Variants in MAGI2 observed in about 807,000 individuals in gnomAD.
The protein encoded by MAGI2 is membrane associated guanylate kinase, WW and PDZ domain containing 2.
A neutral mutation model predicts 133.3 loss-of-function variants in MAGI2; 35 were observed. That is an observed-to-expected ratio of 0.26 (90% CI 0.20 to 0.35). MAGI2 has a LOEUF of 0.35. MAGI2 is among the 10% of genes least tolerant of loss of function. The pLI is 1.00. For missense variants in MAGI2, 1,636 were observed against 1,863.4 expected (o/e 0.88, Z 2.25); for synonymous variants, 729 against 710.6 (o/e 1.03, Z -0.41).
At chr7:79,305,972 A>G (rs1222556352) in intron 1 of MAGI2, among the ~76,000 whole-genome samples, 2 of 150,662 alleles carry the variant, frequency 1.3e-5, no homozygotes, top group African/African-American at 4.9e-5. Context: ...AAATTGAACT[A>G]CATATTCCTG....
At chr7:78,878,165 A>C (rs1407836460) in intron 2 of MAGI2, among the ~76,000 whole-genome samples, 1 of 152,182 alleles carries the variant, frequency 6.6e-6, no homozygotes, top group African/African-American at 2.4e-5. Flanking sequence ...TAAGTAATCA[A>C]TATATGTTTA....
intron 2 of MAGI2, among the ~76,000 whole-genome samples, chr7:78,734,491 T>C (rs755736131): frequency 9.2e-5 from 14 of 152,202 alleles, no homozygotes; most frequent in Non-Finnish European, 1.6e-4. Flanking sequence ...ATTGCATTTA[T>C]GGCCTCAATA....
intron 2 of MAGI2, among the ~76,000 whole-genome samples, chr7:78,928,068 C>T (rs1049291900): frequency 6.6e-6 from 1 of 151,934 alleles, no homozygotes; most frequent in African/African-American, 2.4e-5. Context: ...TTCCCCTTTT[C>T]CTTCCCCTGT....
Position 78,947,410 on chromosome 7 carries a change from T to A in MAGI2, c.418+59680A>T, listed in dbSNP as rs901358113. 9.9e-5 allele frequency among the ~76,000 whole-genome samples: 15 copies of A among 152,110 alleles called. 1 individual carries two copies. The highest frequency in any genetic ancestry group is 1.0e-4 in the Non-Finnish European group (7 of 67,996). On this transcript the variant is annotated intron_variant, in intron 2 of 21. Coordinates refer to ENST00000354212, the MANE Select transcript of MAGI2 (RefSeq NM_012301.4). ...TTGCAGTTTGATTGACTCTTGAGAT[T>A]GAAACAAAGGAAAAGAAGAACTGTG...
At chr7:79,016,088 C>A (rs1006707308) in intron 1 of MAGI2, among the ~76,000 whole-genome samples, 1 of 151,754 alleles carries the variant, frequency 6.6e-6, no homozygotes, top group African/African-American at 2.4e-5. Context: ...CTACATGAAC[C>A]CCATGGACAA....
intron 9 of MAGI2, among the ~76,000 whole-genome samples, chr7:78,263,982 G>A (rs886534892): frequency 3.3e-5 from 5 of 151,952 alleles, no homozygotes; most frequent in Admixed American, 1.3e-4. Flanking sequence ...CAAGCTGCTC[G>A]TTACCCTTTA....
intron 2 of MAGI2, among the ~76,000 whole-genome samples, chr7:79,003,059 C>G (rs1023954576): frequency 1.3e-5 from 2 of 151,900 alleles, no homozygotes; most frequent in Non-Finnish European, 2.9e-5. Context: ...CAGTGGAGAC[C>G]TAGACTAACC....
intron 2 of MAGI2, among the ~76,000 whole-genome samples, chr7:78,652,941 A>G (rs544146688): frequency 1.2e-4 from 18 of 149,048 alleles, no homozygotes; most frequent in East Asian, 9.9e-4. Flanking sequence ...TTTACAAGGG[A>G]AAAAAAAAAC....
At chr7:78,587,092 A>G (rs537439863) in intron 3 of MAGI2, among the ~76,000 whole-genome samples, 15 of 152,210 alleles carry the variant, frequency 9.9e-5, no homozygotes, top group African/African-American at 3.4e-4. Context: ...TTGGGTATAT[A>G]CCCAGAAGTG....
At chr7:78,411,197 G>A (rs923202050) in intron 6 of MAGI2, among the ~76,000 whole-genome samples, 3 of 152,056 alleles carry the variant, frequency 2.0e-5, no homozygotes, top group Non-Finnish European at 1.5e-5. Context: ...CCAGTCAAGG[G>A]AGGGTTGAGT....
chr7:78,667,005 CAT>C (rs1472998250), intron 2 of MAGI2, among the ~76,000 whole-genome samples: 1 of 152,068 alleles, frequency 6.6e-6, no homozygotes, highest in African/African-American at 2.4e-5. Context: ...TCATTGCAAA[CAT>C]AGAGAGTTGA....
At chr7:78,676,410 C>T (rs569113303) in intron 2 of MAGI2, among the ~76,000 whole-genome samples, 92 of 152,242 alleles carry the variant, frequency 6.0e-4, no homozygotes, top group African/African-American at 2.1e-3. Flanking sequence ...CCTCATATTT[C>T]TAAGTGCTTG....
intron 18 of MAGI2, 146 bp downstream of exon 18, chr7:78,132,743 C>T (rs1044385476): frequency 5.0e-6 from 6 of 1,204,504 alleles, no homozygotes; most frequent in African/African-American, 1.5e-5. Context: ...ATAACACACA[C>T]AACCTCGAAA....
intron 2 of MAGI2, among the ~76,000 whole-genome samples, chr7:78,992,633 A>G (rs1805900963): frequency 6.6e-6 from 1 of 151,992 alleles, no homozygotes; most frequent in South Asian, 2.1e-4. Context: ...TCTTTTTTCC[A>G]AGCTAATGTT....
chr7:79,371,628 T>G (rs1160216100), intron 1 of MAGI2, among the ~76,000 whole-genome samples: 1 of 152,178 alleles, frequency 6.6e-6, no homozygotes, highest in African/African-American at 2.4e-5. Flanking sequence ...ATAGCGTACA[T>G]ATGTAGTAGA....
chr7:79,240,382 G>A (rs1045980053), intron 1 of MAGI2, among the ~76,000 whole-genome samples: 4 of 151,804 alleles, frequency 2.6e-5, no homozygotes, highest in African/African-American at 9.7e-5. Flanking sequence ...AAAGAAAAGG[G>A]ATGAATGAAT....
intron 9 of MAGI2, among the ~76,000 whole-genome samples, chr7:78,289,616 C>T (rs553103189): frequency 2.1e-3 from 320 of 152,236 alleles, no homozygotes; most frequent in Non-Finnish European, 4.0e-3. Context: ...AAAGATACTC[C>T]TCGAGAAGAG....
At chr7:79,100,995 A>G (rs1193096770) in intron 1 of MAGI2, among the ~76,000 whole-genome samples, 1 of 152,066 alleles carries the variant, frequency 6.6e-6, no homozygotes, top group East Asian at 1.9e-4. Flanking sequence ...CATTGATTTT[A>G]TGTCTAACCC....
chr7:79,210,501 T>C (rs1395655147), intron 1 of MAGI2, among the ~76,000 whole-genome samples: 1 of 152,044 alleles, frequency 6.6e-6, no homozygotes, highest in African/African-American at 2.4e-5. Context: ...AAGTGACTAA[T>C]AATAGTCTAA....
Sources: gnomAD v4.1 joint callset for allele counts (sites outside exome capture counted in the v4.1 genomes callset) on GRCh38, gnomAD v4.1.1 for gene constraint, MANE v1.5 for transcripts, NCBI Gene and HGNC (gene_info 2026-07-23, HGNC 2026-07-21) for gene names.